DLG2: variants seen among roughly 807,000 people sequenced by gnomAD.
DLG2 encodes the protein disks large homolog 2.
In DLG2, 45 loss-of-function variants were observed where a neutral mutation model predicts 132.5. The observed-to-expected ratio is 0.34, with a 90% CI of 0.27 to 0.44. The LOEUF (loss-of-function observed/expected upper bound fraction) is 0.44, where lower values mean the gene tolerates loss of function less well. Ranked by LOEUF, DLG2 falls within the 20% of genes least tolerant of loss-of-function variation. The pLI, the probability that DLG2 is intolerant of heterozygous loss-of-function variation, is 1.00. For synonymous variants in DLG2, 424 were observed against 419.6 expected, an observed-to-expected ratio of 1.01 and a Z score of -0.13; for missense variants, 1,045 against 1,196.9, an observed-to-expected ratio of 0.87 and a Z score of 1.87.
intron 19 of DLG2, among the ~76,000 whole-genome samples, chr11:83,597,620 A>ACC (rs146666018): frequency 8.4e-6 from 1 of 119,388 alleles, no homozygotes; most frequent in African/African-American, 3.6e-5. Context: ...CCCCATCTCT[A>ACC]CCCCAAAAAA....
intron 3 of DLG2, among the ~76,000 whole-genome samples, chr11:85,422,343 A>C (rs1476535650): frequency 6.6e-6 from 1 of 152,084 alleles, no homozygotes; most frequent in Non-Finnish European, 1.5e-5. Context: ...TTGGTTGTTT[A>C]ACATAATCCC....
chr11:84,812,885 T>C lies in DLG2; in HGVS notation c.358-278154A>G, dbSNP rs544528821. Among the ~76,000 whole-genome samples, 229 of 152,242 alleles carry C rather than the reference T, an allele frequency of 1.5e-3. 1 individual carries two copies. Among genetic ancestry groups the C allele is most frequent in the African/African-American group, 5.3e-3 (221 of 41,548 alleles). On this transcript the variant is annotated intron_variant, in intron 6 of 27. Transcript: ENST00000376104. The stretch of plus-strand genomic sequence containing the variant: ...AGTTCCATATGGTGGTGTGATGTGA[T>C]GCAATTGTCGTTTTCATTGGCTCAC...
intron 7 of DLG2, among the ~76,000 whole-genome samples, chr11:84,501,678 T>A (rs1054218989): frequency 6.6e-6 from 1 of 152,204 alleles, no homozygotes; most frequent in South Asian, 2.1e-4. Flanking sequence ...TACTGTAAAC[T>A]TTCCAGTACA....
intron 6 of DLG2, among the ~76,000 whole-genome samples, chr11:84,830,527 T>C (rs980271372): frequency 6.6e-6 from 1 of 151,574 alleles, no homozygotes; most frequent in Non-Finnish European, 1.5e-5. Context: ...TCTTGTCACC[T>C]TGTGAAATTA....
intron 6 of DLG2, among the ~76,000 whole-genome samples, chr11:84,712,401 C>A (rs2060549258): frequency 6.6e-6 from 1 of 152,036 alleles, no homozygotes; most frequent in Non-Finnish European, 1.5e-5. Context: ...TTGGGACATT[C>A]AGCACCTGTT....
intron 3 of DLG2, among the ~76,000 whole-genome samples, chr11:85,557,598 A>G (rs2077007680): frequency 2.6e-5 from 4 of 151,926 alleles, no homozygotes. Flanking sequence ...TAATGGTACA[A>G]GAACAGACAC....
chr11:85,191,193 C>CACAT (rs1401773912), intron 4 of DLG2, among the ~76,000 whole-genome samples: 1 of 151,632 alleles, frequency 6.6e-6, no homozygotes, highest in Non-Finnish European at 1.5e-5. Context: ...CACACACACA[C>CACAT]ACACACACAC....
rs2066928627 is a variant in DLG2, at chr11:84,756,741, T to C, written c.358-222010A>G. 4.6e-5 allele frequency among the ~76,000 whole-genome samples: 7 copies of C among 152,152 alleles called. No homozygotes were observed. The South Asian group carries it at 1.5e-3, about 32-fold the overall frequency. On this transcript the variant is annotated intron_variant, in intron 6 of 27. Coordinates refer to ENST00000376104, the MANE Select transcript of DLG2 (RefSeq NM_001142699.3). ...TAAACTTTCTTAAAATATAATGAGATTTTTTTGTGATTTTTTTTAATTTTT... is the reference window on the plus strand; with the variant it reads ...TAAACTTTCTTAAAATATAATGAGACTTTTTTGTGATTTTTTTTAATTTTT...
At chr11:85,164,301 G>A (rs1035185996) in intron 4 of DLG2, among the ~76,000 whole-genome samples, 2 of 152,032 alleles carry the variant, frequency 1.3e-5, no homozygotes, top group African/African-American at 4.8e-5. Context: ...GTATGCCACA[G>A]AGGAATATTT....
intron 9 of DLG2, among the ~76,000 whole-genome samples, chr11:84,131,538 T>C (rs1478109000): frequency 2.6e-5 from 4 of 151,994 alleles, no homozygotes; most frequent in Non-Finnish European, 5.9e-5. Flanking sequence ...CATATTTGTC[T>C]AGTGTTTACT....
intron 10 of DLG2, among the ~76,000 whole-genome samples, chr11:84,077,207 T>C (rs891930770): frequency 2.6e-4 from 39 of 152,242 alleles, no homozygotes; most frequent in African/African-American, 9.2e-4. Context: ...GATCTGTTTA[T>C]ACACACTCTC....
rs145175731 is a variant in DLG2, at chr11:84,424,909, G to C, written c.519+109661C>G. 4.3e-3 allele frequency among the ~76,000 whole-genome samples: 648 copies of C among 152,134 alleles called. 3 individuals are homozygous for C. Among genetic ancestry groups the C allele is most frequent in the South Asian group, 7.9e-3 (38 of 4,812 alleles). The stretch of plus-strand genomic sequence containing the variant: ...TTAAGATTCAGCAAATAAGCAAAGA[G>C]GGTCTGGGCAAGACAGAATAAATAA... On this transcript the variant is annotated intron_variant, in intron 7 of 27. Coordinates refer to ENST00000376104, the MANE Select transcript of DLG2 (RefSeq NM_001142699.3).
chr11:84,480,554 A>G (rs982717583), intron 7 of DLG2, among the ~76,000 whole-genome samples: 2 of 152,126 alleles, frequency 1.3e-5, no homozygotes, highest in Admixed American at 6.6e-5. Flanking sequence ...AGAAAAAAAG[A>G]AAGAAAAAAA....
intron 17 of DLG2, among the ~76,000 whole-genome samples, chr11:83,819,844 T>C (rs1258558075): frequency 6.6e-6 from 1 of 152,058 alleles, no homozygotes; most frequent in East Asian, 1.9e-4. Flanking sequence ...GAAGAAGGAG[T>C]AACATTTCTC....
At chr11:85,002,720 G>A (rs1264475111) in intron 6 of DLG2, among the ~76,000 whole-genome samples, 1 of 151,942 alleles carries the variant, frequency 6.6e-6, no homozygotes, top group Non-Finnish European at 1.5e-5. Context: ...CCACTTACAT[G>A]GGGATTTTGT....
chr11:85,093,698 C>T (rs1594064060), intron 6 of DLG2, among the ~76,000 whole-genome samples: 1 of 152,306 alleles, frequency 6.6e-6, no homozygotes, highest in East Asian at 1.9e-4. Context: ...TATTCACTAT[C>T]ACAAGAACAG....
chr11:85,194,762 G>A (rs1051059338), intron 4 of DLG2, among the ~76,000 whole-genome samples: 1 of 152,144 alleles, frequency 6.6e-6, no homozygotes, highest in Admixed American at 6.5e-5. Context: ...AACTCATACC[G>A]ATTGGGATGG....
chr11:84,040,277 G>A (rs1311337798), intron 11 of DLG2, among the ~76,000 whole-genome samples: 7 of 151,562 alleles, frequency 4.6e-5, no homozygotes, highest in Non-Finnish European at 1.0e-4. Flanking sequence ...TTGGTGTTTT[G>A]GACATGAAGT....
At position 85,167,702 on chromosome 11, in the gene DLG2, A is replaced by T. The variant is rs565881213; in HGVS notation, c.187-13051T>A. Among the ~76,000 whole-genome samples, 55 of 152,230 alleles carry T rather than the reference A, an allele frequency of 3.6e-4. 2 individuals are homozygous for T. In the South Asian group the frequency reaches 0.011, roughly 31 times the overall value. On this transcript the variant is annotated intron_variant, in intron 4 of 27. Coordinates refer to ENST00000376104, the MANE Select transcript of DLG2 (RefSeq NM_001142699.3). Reference sequence around the variant, plus strand: ...CATCAAATTCAGCATAAAAATACACAGGTTTCCCTTTTTCTTTAGGTCTTC... The same window carrying T: ...CATCAAATTCAGCATAAAAATACACTGGTTTCCCTTTTTCTTTAGGTCTTC...
Sources: allele counts gnomAD v4.1 joint callset (sites outside exome capture counted in the v4.1 genomes callset), GRCh38; gene constraint gnomAD v4.1.1; transcripts MANE v1.5; gene names NCBI Gene and HGNC (gene_info 2026-07-23, HGNC 2026-07-21).